The following TIAM1 variants were observed in gnomAD, a reference collection of about 807,000 sequenced individuals.
TIAM1 encodes the protein TIAM Rac1 associated GEF 1, also known as rho guanine nucleotide exchange factor TIAM1.
Under a neutral mutation model 163.5 loss-of-function variants are expected in TIAM1, and 65 were observed. The ratio of observed to expected loss-of-function variants is 0.40; its 90% CI spans 0.33 to 0.49. TIAM1 has a LOEUF of 0.49. TIAM1 is among the 20% of genes least tolerant of loss of function. The pLI is 0.77. For synonymous variants in TIAM1, 833 were observed against 810.1 expected, an observed-to-expected ratio of 1.03 and a Z score of -0.48; for missense variants, 1,789 against 2,044.7, an observed-to-expected ratio of 0.87 and a Z score of 2.41.
chr21:31,457,911 G>A (rs146222746), intron 2 of TIAM1, among the ~76,000 whole-genome samples: 167 of 152,266 alleles, frequency 1.1e-3, no homozygotes, highest in Non-Finnish European at 1.7e-3. Flanking sequence ...AATATCCTTC[G>A]ATACTTGGCA....
chr21:31,267,765 CT>C (rs1221068721), intron 3 of TIAM1, among the ~76,000 whole-genome samples: 64 of 152,290 alleles, frequency 4.2e-4, no homozygotes, highest in African/African-American at 1.3e-3. Flanking sequence ...ACTCCGCTCT[CT>C]GCTTAGCAGT....
chr21:31,142,663 AAG>A (rs2082910146), intron 20 of TIAM1, among the ~76,000 whole-genome samples: 2 of 151,688 alleles, frequency 1.3e-5, no homozygotes, highest in Non-Finnish European at 2.9e-5. Context: ...AAAAAAGAAA[AAG>A]AAAAAGAAAA....
In TIAM1 at chr21:31,362,682, G is replaced by T. The variant is rs192090408; in HGVS notation, c.-368-23260C>A. 1.9e-3 allele frequency among the ~76,000 whole-genome samples: 296 copies of T among 151,892 alleles called. 3 individuals carry two copies. The highest frequency in any genetic ancestry group is 1.3e-3 in the Non-Finnish European group (89 of 67,964). On this transcript the variant is annotated intron_variant, in intron 2 of 28. Transcript: ENST00000286827. The stretch of plus-strand genomic sequence containing the variant: ...GGGTTTCACCATGTTGGCCAGGCTG[G>T]TCACGAACTCTTGACCTCAAGTGAT...
At chr21:31,546,301 C>T (rs2048487440) in intron 1 of TIAM1, among the ~76,000 whole-genome samples, 1 of 151,892 alleles carries the variant, frequency 6.6e-6, no homozygotes, top group Admixed American at 6.6e-5. Context: ...CCTGTAATCT[C>T]AGCACTTTGG....
In TIAM1 at chr21:31,141,585, A is replaced by G; in HGVS notation, c.3476-81T>C. ...CACAATTTCCCTCCCTTCCTCAGTGACTCCAAGGTGCCTTTTTGCAGGACT... is the reference window on the plus strand; with the variant it reads ...CACAATTTCCCTCCCTTCCTCAGTGGCTCCAAGGTGCCTTTTTGCAGGACT... On this transcript the variant is annotated intron_variant, in intron 20 of 27. Transcript: ENST00000541036. The surrounding 1 kb of genome is among the most constrained non-coding windows in gnomAD (Gnocchi z 4.7). 6.6e-7 allele frequency: 1 copy of G among 1,526,602 alleles called. No homozygotes were observed. The highest frequency in any genetic ancestry group is 8.9e-7 in the Non-Finnish European group (1 of 1,122,520). The allele number at this position is 1,526,602 out of a possible 1,614,324, so 94.6% of individuals were successfully genotyped here. A position where few individuals can be genotyped will look rare whatever the true frequency, so the allele number is the denominator to read the frequency against.
At chr21:31,356,361 TC>T (rs543246790) in intron 2 of TIAM1, among the ~76,000 whole-genome samples, 2 of 151,958 alleles carry the variant, frequency 1.3e-5, no homozygotes, top group African/African-American at 4.8e-5. Context: ...TTGTCATGCA[TC>T]CCCCCCACAG....
intron 1 of TIAM1, among the ~76,000 whole-genome samples, chr21:31,343,790 T>G (rs1569248578): frequency 6.6e-6 from 1 of 152,018 alleles, no homozygotes; most frequent in African/African-American, 2.4e-5. Flanking sequence ...TCCCGCAGTC[T>G]CCTCCCCGAC....
chr21:31,362,445 A>AATTATTATT (rs10634487), intron 2 of TIAM1, among the ~76,000 whole-genome samples: 9,710 of 142,686 alleles, frequency 0.068, 381 homozygotes, highest in East Asian at 0.15. Flanking sequence ...ATGCAGTGAC[A>AATTATTATT]ATTATTATTA....
chr21:31,134,851 G>A (rs1601220428), intron 23 of TIAM1, among the ~76,000 whole-genome samples: 1 of 152,158 alleles, frequency 6.6e-6, no homozygotes, highest in East Asian at 1.9e-4. Flanking sequence ...ACAGCTACAG[G>A]GGCTCTTTGG....
intron 1 of TIAM1, among the ~76,000 whole-genome samples, chr21:31,521,928 G>A (rs955557256): frequency 4.6e-5 from 7 of 152,074 alleles, no homozygotes; most frequent in Non-Finnish European, 1.0e-4. Context: ...CTGGAGTGCA[G>A]TTGTGCCATC....
intron 2 of TIAM1, among the ~76,000 whole-genome samples, chr21:31,403,985 C>G (rs1174601665): frequency 6.6e-6 from 1 of 151,992 alleles, no homozygotes; most frequent in Non-Finnish European, 1.5e-5. Flanking sequence ...GCCAAGCAGG[C>G]GACACTTAGC....
At chr21:31,269,268 T>C (rs2072939076) in intron 3 of TIAM1, among the ~76,000 whole-genome samples, 1 of 152,216 alleles carries the variant, frequency 6.6e-6, no homozygotes, top group African/African-American at 2.4e-5. Flanking sequence ...GTTATATTAA[T>C]AGCATTTTTA....
chr21:31,465,864 C>A (rs1278746940), intron 1 of TIAM1, among the ~76,000 whole-genome samples: 1 of 152,032 alleles, frequency 6.6e-6, no homozygotes, highest in Non-Finnish European at 1.5e-5. Context: ...AGCCACCGCA[C>A]CTGGCTAATT....
intron 1 of TIAM1, among the ~76,000 whole-genome samples, chr21:31,536,448 G>T (rs2048137366): frequency 6.6e-6 from 1 of 152,178 alleles, no homozygotes. Flanking sequence ...TACCCCAAAG[G>T]TCACCTAAAT....
chr21:31,264,665 G>A (rs780883170), intron 4 of TIAM1, among the ~76,000 whole-genome samples: 2 of 151,942 alleles, frequency 1.3e-5, no homozygotes, highest in Admixed American at 6.6e-5. Flanking sequence ...TCTTTTTCTC[G>A]GCTTCCCCTA....
chr21:31,167,350 T>C (rs1173655400), intron 15 of TIAM1, among the ~76,000 whole-genome samples: 1 of 152,198 alleles, frequency 6.6e-6, no homozygotes, highest in Non-Finnish European at 1.5e-5. Flanking sequence ...CCCAAAGTGC[T>C]GGGATTACAG....
intron 1 of TIAM1, among the ~76,000 whole-genome samples, chr21:31,555,915 G>C (rs2123337847): frequency 6.6e-6 from 1 of 152,224 alleles, no homozygotes; most frequent in East Asian, 1.9e-4. Flanking sequence ...TGGGGGGAAG[G>C]AGACAGGCCC....
intron 2 of TIAM1, among the ~76,000 whole-genome samples, chr21:31,332,118 C>T (rs2075694796): frequency 6.6e-6 from 1 of 152,030 alleles, no homozygotes; most frequent in African/African-American, 2.4e-5. Context: ...TTTTCATTTT[C>T]ATCCTACATG....
At chr21:31,177,402 T>G (rs1466335974) in intron 15 of TIAM1, among the ~76,000 whole-genome samples, 3 of 151,934 alleles carry the variant, frequency 2.0e-5, no homozygotes, top group Non-Finnish European at 4.4e-5. Flanking sequence ...AGGCCAGGAG[T>G]TCGAGACCAG....
Sources: allele counts gnomAD v4.1 joint callset (sites outside exome capture counted in the v4.1 genomes callset), GRCh38; gene constraint gnomAD v4.1.1; non-coding constraint Gnocchi (gnomAD v3.1); transcripts MANE v1.5; gene names NCBI Gene and HGNC (gene_info 2026-07-23, HGNC 2026-07-21).